The following PCDHGA1 variants were observed in gnomAD, a reference collection of about 807,000 sequenced individuals.
PCDHGA1 encodes the protein protocadherin gamma subfamily A, 1.
PCDHGA1 carries 32 observed loss-of-function variants against 58.0 expected under a neutral mutation model. That is an observed-to-expected ratio of 0.55 (90% CI 0.42 to 0.74). The LOEUF (loss-of-function observed/expected upper bound fraction) is 0.74, where lower values mean the gene tolerates loss of function less well. Among genes scored for constraint, PCDHGA1 ranks in the 30% least tolerant of loss-of-function variants. The probability of loss-of-function intolerance (pLI) is 0.00; values close to 1 mark genes in which losing one functional copy is unlikely to be tolerated. For missense variants in PCDHGA1, 1,205 were observed against 1,182.3 expected (o/e 1.02, Z -0.28); for synonymous variants, 498 against 501.1 (o/e 0.99, Z 0.08).
rs895234762 is a variant in PCDHGA1 at position 141,476,911 on chromosome 5, A to G, written c.2422-17896A>G. 4 of 1,613,972 alleles carry G rather than the reference A, an allele frequency of 2.5e-6. No individual in the cohort carries two copies. The African/African-American group carries it at 4.0e-5, about 16-fold the overall frequency. On this transcript the variant is annotated intron_variant, in intron 1 of 3. Transcript: ENST00000517417. This position sits in a 1 kb window ranked among gnomAD's most constrained non-coding sequence, Gnocchi z 7.6. ...CACCCTCCGGCACGCGCGTGGTACA[A>G]GTCCTTGCAACGGATCTGGATGAAG...
chr5:141,409,275 A>G (rs1266955919), intron 1 of PCDHGA1: 1 of 1,614,020 alleles, frequency 6.2e-7, no homozygotes, highest in South Asian at 1.1e-5. Flanking sequence ...CAGATTTTGG[A>G]GAATTCACCT....
chr5:141,390,330 C>T, intron 1 of PCDHGA1: 1 of 1,600,608 alleles, frequency 6.2e-7, no homozygotes, highest in Non-Finnish European at 8.5e-7. Flanking sequence ...ACCCATTTCT[C>T]CATATTCACA....
At chr5:141,372,726 C>G (rs748651265) in intron 1 of PCDHGA1, 2 of 1,613,836 alleles carry the variant, frequency 1.2e-6, no homozygotes, top group South Asian at 2.2e-5. Flanking sequence ...TGCTGCACCA[C>G]AAGATCTTCT....
chr5:141,389,607 A>G, intron 1 of PCDHGA1: 1 of 1,613,070 alleles, frequency 6.2e-7, no homozygotes, highest in Non-Finnish European at 8.5e-7. Context: ...GCTCTTCGAT[A>G]TGGTGCCGCA....
chr5:141,397,573 T>C (rs1196804839), intron 1 of PCDHGA1, among the ~76,000 whole-genome samples: 1 of 152,212 alleles, frequency 6.6e-6, no homozygotes, highest in African/African-American at 2.4e-5. Flanking sequence ...GAGCAAGAAC[T>C]GTATCATATT....
chr5:141,419,831 G>A, intron 1 of PCDHGA1: 5 of 1,614,048 alleles, frequency 3.1e-6, no homozygotes, highest in Non-Finnish European at 4.2e-6. Context: ...TTCAGCCACT[G>A]CCACGCTGCA....
At chr5:141,345,956 C>T (rs112486508) in intron 1 of PCDHGA1, 60,170 of 1,575,464 alleles carry the variant, frequency 0.038, 1,872 homozygotes, top group African/African-American at 0.21. Context: ...TCAAGCAGAG[C>T]CTCGTGGTGG....
At position 141,448,827 on chromosome 5, in the gene PCDHGA1, C is replaced by T. The variant is rs540550537; in HGVS notation, c.2422-45980C>T. ...AGGCGTGATGGCGGGCGCCTGTAGT[C>T]CCAGCTACTCTGGAGGCTGAGGCAG... On this transcript the variant is annotated intron_variant, in intron 1 of 3. Transcript: ENST00000517417. Among the ~76,000 whole-genome samples the T allele has an allele frequency of 1.6e-4, 25 of 152,108 alleles. No homozygotes were observed. In the South Asian group the frequency reaches 4.2e-3, roughly 25 times the overall value.
At chr5:141,444,774 AT>A (rs2098446962) in intron 1 of PCDHGA1, among the ~76,000 whole-genome samples, 1 of 152,018 alleles carries the variant, frequency 6.6e-6, no homozygotes, top group Non-Finnish European at 1.5e-5. Context: ...TATATTCTTG[AT>A]CATGTTTCAT....
intron 1 of PCDHGA1, chr5:141,399,437 A>G (rs780100815): frequency 3.7e-5 from 59 of 1,613,998 alleles, no homozygotes; most frequent in East Asian, 6.7e-5. Flanking sequence ...GTCATCCTAC[A>G]TATCAGAGAC....
At chr5:141,420,256 TAAG>T (rs749213635) in intron 1 of PCDHGA1, 12 of 1,569,010 alleles carry the variant, frequency 7.6e-6, no homozygotes, top group South Asian at 1.2e-5. Context: ...TTGAAGCAGA[TAAG>T]AAGATTCTTA....
At chr5:141,421,846 G>A (rs1187020807) in intron 1 of PCDHGA1, 2 of 1,613,642 alleles carry the variant, frequency 1.2e-6, no homozygotes, top group East Asian at 4.5e-5. Context: ...AGAGAAAGAG[G>A]CTGCTCACCT....
At chr5:141,437,197 G>A (rs535640562) in intron 1 of PCDHGA1, among the ~76,000 whole-genome samples, 69 of 152,330 alleles carry the variant, frequency 4.5e-4, no homozygotes, top group Non-Finnish European at 7.8e-4. Flanking sequence ...GGGTTTGGAT[G>A]TGTTTACATT....
chr5:141,393,156 A>G (rs1028021318), intron 1 of PCDHGA1: 7 of 1,613,310 alleles, frequency 4.3e-6, no homozygotes, highest in African/African-American at 1.3e-5. Context: ...GGATAAAGGA[A>G]AACTCTTTGG....
At chr5:141,395,447 G>T in intron 1 of PCDHGA1, 1 of 645,040 alleles carries the variant, frequency 1.6e-6, no homozygotes, top group South Asian at 2.4e-5. Context: ...GGAAAAGATT[G>T]TTCAACCATT....
intron 1 of PCDHGA1, chr5:141,338,813 C>A: frequency 2.9e-6 from 4 of 1,385,428 alleles, no homozygotes; most frequent in Non-Finnish European, 3.7e-6. Context: ...GGCCCTAAAG[C>A]TTCAGGACAC....
chr5:141,384,553 G>A (rs756336021), intron 1 of PCDHGA1: 3 of 1,614,152 alleles, frequency 1.9e-6, no homozygotes, highest in Admixed American at 1.7e-5. Context: ...GAGCCTGTTC[G>A]TGCTGGACCA....
intron 1 of PCDHGA1, chr5:141,417,858 C>A (rs561149517): frequency 1.3e-6 from 2 of 1,547,240 alleles, no homozygotes; most frequent in African/African-American, 1.4e-5. Context: ...CCCGAGCGAA[C>A]GATGGGAGGG....
intron 1 of PCDHGA1, chr5:141,373,906 A>G: frequency 1.7e-6 from 1 of 604,222 alleles, no homozygotes; most frequent in Admixed American, 3.7e-5. Context: ...ACATCCTCCA[A>G]CAACAAAGCA....
Sources: gnomAD v4.1 joint callset for allele counts (sites outside exome capture counted in the v4.1 genomes callset) on GRCh38, gnomAD v4.1.1 for gene constraint, Gnocchi (gnomAD v3.1) non-coding constraint, MANE v1.5 for transcripts, NCBI Gene and HGNC (gene_info 2026-07-23, HGNC 2026-07-21) for gene names.